Variants in HAPLN3 observed in about 807,000 individuals in gnomAD.
The protein encoded by HAPLN3 is hyaluronan and proteoglycan link protein 3, also known as extracellular link domain containing, 1.
HAPLN3 carries 28 observed loss-of-function variants against 28.1 expected under a neutral mutation model. The ratio of observed to expected loss-of-function variants is 1.00; its 90% confidence interval spans 0.74 to 1.37. The LOEUF is 1.37. HAPLN3 is among the 40% of genes most tolerant of loss of function. The pLI is 0.00. For synonymous variants in HAPLN3, 211 were observed against 213.1 expected (o/e 0.99, Z 0.09); for missense variants, 513 against 504.6 (o/e 1.02, Z -0.16).
intron 2 of HAPLN3, among the ~76,000 whole-genome samples, chr15:88,885,797 GGCTGGCCTTGAACTCCTGA>G (rs1897837545): frequency 6.6e-6 from 1 of 152,108 alleles, no homozygotes; most frequent in African/African-American, 2.4e-5. Context: ...ATGTTGGCCA[GGCTGGCCTTGAACTCCTGA>G]CCTCAAGTGA....
At chr15:88,892,879 G>A in intron 1 of HAPLN3, 1 of 1,336,750 alleles carries the variant, frequency 7.5e-7, no homozygotes, top group South Asian at 1.4e-5. Context: ...GGTAGCCTCT[G>A]CTCCCCTACC....
At chr15:88,885,047 TTG>T (rs1657234677) in intron 2 of HAPLN3, among the ~76,000 whole-genome samples, 1 of 152,320 alleles carries the variant, frequency 6.6e-6, no homozygotes, top group Admixed American at 6.5e-5. Context: ...GCCACCAAGT[TTG>T]TGTTAATTTG....
intron 1 of HAPLN3, among the ~76,000 whole-genome samples, chr15:88,891,838 C>T (rs1195933105): frequency 6.6e-6 from 1 of 152,146 alleles, no homozygotes; most frequent in Non-Finnish European, 1.5e-5. Flanking sequence ...TGTAAGAGTT[C>T]GTTTCCTCTG....
chr15:88,887,742 T>A (rs1020491069), intron 1 of HAPLN3, among the ~76,000 whole-genome samples: 1 of 152,082 alleles, frequency 6.6e-6, no homozygotes, highest in Non-Finnish European at 1.5e-5. Flanking sequence ...GGCGGGCGGA[T>A]CACCTGAGGT....
intron 2 of HAPLN3, among the ~76,000 whole-genome samples, chr15:88,883,526 G>A (rs1397413433): frequency 6.6e-6 from 1 of 152,196 alleles, no homozygotes; most frequent in Non-Finnish European, 1.5e-5. Context: ...TATGAAGCAG[G>A]GCTATCATTT....
chr15:88,884,201 T>G (rs1376855840), intron 2 of HAPLN3, among the ~76,000 whole-genome samples: 1 of 152,208 alleles, frequency 6.6e-6, no homozygotes, highest in Admixed American at 6.5e-5. Flanking sequence ...AAATGAAATG[T>G]TGGCCTGGTA....
rs74552179 is a variant in HAPLN3 at position 88,889,217 on chromosome 15, G to T, written c.-47-1872C>A. On this transcript the variant is annotated intron_variant, in intron 1 of 4. Coordinates refer to ENST00000359595, the MANE Select transcript of HAPLN3 (RefSeq NM_178232.4). The stretch of plus-strand genomic sequence containing the variant: ...TTCCTCCATTAAAGTCTCTTTATTG[G>T]AATCATCTGGGCTGAATTCTGCTTC... 3.3e-5 allele frequency among the ~76,000 whole-genome samples: 5 copies of T among 152,096 alleles called. No homozygotes were observed. The East Asian group carries it at 9.6e-4, about 29-fold the overall frequency.
Position 88,887,320 on chromosome 15 carries a change from G to T in HAPLN3, c.-22C>A, listed in dbSNP as rs551613985. The T allele has an allele frequency of 1.2e-6, 2 of 1,613,312 alleles. No individual in the cohort carries two copies. The highest frequency in any genetic ancestry group is 1.7e-6 in the Non-Finnish European group (2 of 1,179,662). The stretch of plus-strand genomic sequence containing the variant: ...CCATCTCCTCATGCCAGGGTGACCC[G>T]GGCCAGGCTGGGGCCCCAGGGCAAA... On this transcript the variant is annotated 5_prime_UTR_variant, in exon 2 of 5. Transcript: ENST00000359595.
In HAPLN3 at chr15:88,879,331, G is replaced by T. The variant is rs546696150; in HGVS notation, c.494-62C>A. 2.3e-5 allele frequency: 37 copies of T among 1,596,816 alleles called. No individual in the cohort carries two copies. The South Asian group carries it at 3.8e-4, about 16-fold the overall frequency. On this transcript the variant is annotated intron_variant, in intron 3 of 4. Transcript: ENST00000359595. This position sits in a 1 kb window ranked among gnomAD's most constrained non-coding sequence, Gnocchi z 5.0. ...AGGGGCCCAGCTGGCTGGACACCCCGCTCTCCTCCCACCTTCACTGGGACA... is the reference window on the plus strand; with the variant it reads ...AGGGGCCCAGCTGGCTGGACACCCCTCTCTCCTCCCACCTTCACTGGGACA...
chr15:88,893,082 A>G (rs889485516), intron 1 of HAPLN3: 12 of 969,656 alleles, frequency 1.2e-5, no homozygotes, highest in Middle Eastern at 2.0e-4. Flanking sequence ...ACTTCGGGCA[A>G]GTTCACCTCT....
intron 1 of HAPLN3, among the ~76,000 whole-genome samples, chr15:88,893,946 TGG>T (rs1387711499): frequency 3.9e-5 from 3 of 77,022 alleles, no homozygotes; most frequent in African/African-American, 1.8e-4. Context: ...AAAAAAAAGT[TGG>T]GGTGGGGGGG....
Position 88,880,822 on chromosome 15 carries a change from T to C in HAPLN3, c.493+535A>G, listed in dbSNP as rs1423008147. Reference sequence around the variant, plus strand: ...TCTCACATAAAAATATAAGCTTATCTTGTCAAGCCAGAAAATTTGGCAGTG... The same window carrying C: ...TCTCACATAAAAATATAAGCTTATCCTGTCAAGCCAGAAAATTTGGCAGTG... On this transcript the variant is annotated intron_variant, in intron 3 of 4. Coordinates refer to ENST00000359595, the MANE Select transcript of HAPLN3 (RefSeq NM_178232.4). The surrounding 1 kb of genome is among the most constrained non-coding windows in gnomAD (Gnocchi z 6.0). Among the ~76,000 whole-genome samples the C allele has an allele frequency of 6.6e-6, 1 of 152,176 alleles. No homozygotes were observed. Among genetic ancestry groups the C allele is most frequent in the Non-Finnish European group, 1.5e-5 (1 of 68,026 alleles).
chr15:88,880,228 C>A lies in HAPLN3; in HGVS notation c.494-959G>T, dbSNP rs141138126. Reference sequence around the variant, plus strand: ...TGAAGCCCCGGGAATGGGGTGAGGGCTCCCTGTTTCTCTAGGCTGCCCCTG... The same window carrying A: ...TGAAGCCCCGGGAATGGGGTGAGGGATCCCTGTTTCTCTAGGCTGCCCCTG... On this transcript the variant is annotated intron_variant, in intron 3 of 4. Coordinates refer to ENST00000359595, the MANE Select transcript of HAPLN3 (RefSeq NM_178232.4). The surrounding 1 kb of genome is among the most constrained non-coding windows in gnomAD (Gnocchi z 6.0). The A allele has an allele frequency of 2.0e-5, 20 of 999,758 alleles. No individual in the cohort carries two copies. In the East Asian group the frequency reaches 1.2e-3, roughly 60 times the overall value. The allele number at this position is 999,758 out of a possible 1,614,324, so 61.9% of individuals were successfully genotyped here. A position where few individuals can be genotyped will look rare whatever the true frequency, so the allele number is the denominator to read the frequency against.
At chr15:88,878,817 T>G in intron 4 of HAPLN3, 150 bp downstream of exon 4, 2 of 751,826 alleles carry the variant, frequency 2.7e-6, no homozygotes, top group Non-Finnish European at 4.3e-6. Context: ...CTCAACCAGA[T>G]GCTGCTTCTA....
chr15:88,885,248 C>T (rs968454576), intron 2 of HAPLN3, among the ~76,000 whole-genome samples: 3 of 152,282 alleles, frequency 2.0e-5, no homozygotes, highest in South Asian at 4.1e-4. Flanking sequence ...CCATCTGGTT[C>T]GTTCCTTCCA....
In HAPLN3 at chr15:88,877,493, C is replaced by A. The variant is rs1379013285; in HGVS notation, c.*477G>T. ...CTAGAACTGGCTTCCAGCCCTAGCC[C>A]CTCAGTGGGCAGACTGGGGTCAGCG... On this transcript the variant is annotated 3_prime_UTR_variant, in exon 5 of 5. Transcript: ENST00000359595. This position sits in a 1 kb window ranked among gnomAD's most constrained non-coding sequence, Gnocchi z 5.1. 1 of 154,616 alleles carries A rather than the reference C, an allele frequency of 6.5e-6. No homozygotes were observed. The highest frequency in any genetic ancestry group is 6.4e-5 in the Admixed American group (1 of 15,712). 9.6% of individuals were successfully genotyped at this position (154,616 alleles called of 1,614,324 possible).
In HAPLN3 at chr15:88,881,191, G is replaced by T; in HGVS notation, c.493+166C>A. On this transcript the variant is annotated intron_variant, in intron 3 of 4. Transcript: ENST00000359595. This position sits in a 1 kb window ranked among gnomAD's most constrained non-coding sequence, Gnocchi z 6.0. ...AGTTACTTGACCTCTCTGTGCCTCAGTTTTCTCACCTGTAAAATGGGGGTC... is the reference window on the plus strand; with the variant it reads ...AGTTACTTGACCTCTCTGTGCCTCATTTTTCTCACCTGTAAAATGGGGGTC... 1 of 889,224 alleles carries T rather than the reference G, an allele frequency of 1.1e-6. No homozygotes were observed. The highest frequency in any genetic ancestry group is 1.7e-6 in the Non-Finnish European group (1 of 599,208). The allele number at this position is 889,224 out of a possible 1,614,324, so 55.1% of individuals were successfully genotyped here.
chr15:88,892,462 A>T (rs971325272), intron 1 of HAPLN3, among the ~76,000 whole-genome samples: 3 of 152,084 alleles, frequency 2.0e-5, no homozygotes, highest in Non-Finnish European at 2.9e-5. Flanking sequence ...ATCTCAAAAA[A>T]AAAAGAAAAG....
In HAPLN3 at chr15:88,879,553, G is replaced by GCCAGACC; in HGVS notation, c.494-291_494-285dup. On this transcript the variant is annotated intron_variant, in intron 3 of 4. Transcript: ENST00000359595. This position sits in a 1 kb window ranked among gnomAD's most constrained non-coding sequence, Gnocchi z 5.0. ...CCCCAACCTAATCCGCAAGGCTGTCGCCAGACCCCCAGTGAGGCTGTGCCA... is the reference window on the plus strand; with the variant it reads ...CCCCAACCTAATCCGCAAGGCTGTCGCCAGACCCCAGACCCCCAGTGAGGCTGTGCCA... The GCCAGACC allele has an allele frequency of 7.0e-7, 1 of 1,421,762 alleles. No homozygotes were observed. The highest frequency in any genetic ancestry group is 9.3e-7 in the Non-Finnish European group (1 of 1,073,638). The allele number at this position is 1,421,762 out of a possible 1,614,324, so 88.1% of individuals were successfully genotyped here.
Sources: allele counts gnomAD v4.1 joint callset (sites outside exome capture counted in the v4.1 genomes callset), GRCh38; gene constraint gnomAD v4.1.1; non-coding constraint Gnocchi (gnomAD v3.1); transcripts MANE v1.5; gene names NCBI Gene and HGNC (gene_info 2026-07-23, HGNC 2026-07-21).